HCN1: variants seen among roughly 807,000 people sequenced by gnomAD.
HCN1 encodes hyperpolarization activated cyclic nucleotide gated potassium channel 1, also known as potassium/sodium hyperpolarization-activated cyclic nucleotide-gated channel 1.
A neutral mutation model predicts 78.9 loss-of-function variants in HCN1; 13 were observed. That is an observed-to-expected ratio of 0.16 (90% CI 0.11 to 0.26). The LOEUF is 0.26. Among genes scored for constraint, HCN1 ranks in the 10% least tolerant of loss-of-function variants. The pLI is 1.00. For synonymous variants in HCN1, 552 were observed against 455.5 expected (o/e 1.21, Z -2.70); for missense variants, 810 against 1,154.3 (o/e 0.70, Z 4.32).
chr5:45,594,731 GAGA>G (rs1381427379), intron 2 of HCN1, among the ~76,000 whole-genome samples: 5 of 152,050 alleles, frequency 3.3e-5, no homozygotes, highest in Non-Finnish European at 4.4e-5. Flanking sequence ...ATTGCATAAG[GAGA>G]TGTCTCCTTA....
At chr5:45,423,650 T>C (rs147743580) in intron 3 of HCN1, among the ~76,000 whole-genome samples, 41 of 152,308 alleles carry the variant, frequency 2.7e-4, no homozygotes, top group Non-Finnish European at 5.1e-4. Flanking sequence ...GCTATACAAA[T>C]TCTCATTTGT....
chr5:45,566,949 T>C (rs1279501559), intron 2 of HCN1, among the ~76,000 whole-genome samples: 1 of 152,190 alleles, frequency 6.6e-6, no homozygotes, highest in African/African-American at 2.4e-5. Flanking sequence ...TTACTTTCTC[T>C]CTGATACAGG....
At chr5:45,547,128 T>G (rs1266642525) in intron 2 of HCN1, among the ~76,000 whole-genome samples, 1 of 151,976 alleles carries the variant, frequency 6.6e-6, no homozygotes, top group African/African-American at 2.4e-5. Context: ...AGGTTCTTTA[T>G]TGCCAACTGA....
rs754428907 is a variant in HCN1, at chr5:45,262,524, T to C, written c.2070A>G (p.Pro690=). The C allele has an allele frequency of 2.5e-6, 4 of 1,612,344 alleles. No homozygotes were observed. In the South Asian group the frequency reaches 3.3e-5, roughly 13 times the overall value. ...AGGAGCAGGGTGACAGGATGGCTGATGGCTGGGGGGTCTGTGTGCTGGGAC... is the reference window on the plus strand; with the variant it reads ...AGGAGCAGGGTGACAGGATGGCTGACGGCTGGGGGGTCTGTGTGCTGGGAC... ...SPSPSTQTPQ[P]SAILSPCSYT... Residue 690 remains proline, a synonymous_variant, in exon 8 of 8, where the codon CCA becomes CCG. Transcript: ENST00000303230.
At chr5:45,441,770 A>G (rs1405371895) in intron 3 of HCN1, among the ~76,000 whole-genome samples, 2 of 152,190 alleles carry the variant, frequency 1.3e-5, no homozygotes, top group Admixed American at 1.3e-4. Context: ...CTATGGATGC[A>G]GTAAAGCTCT....
chr5:45,470,794 G>A lies in HCN1; in HGVS notation c.850-8787C>T, dbSNP rs192734582. Among the ~76,000 whole-genome samples, 15 of 152,046 alleles carry A rather than the reference G, an allele frequency of 9.9e-5. No individual in the cohort carries two copies. In the East Asian group the frequency reaches 2.7e-3, roughly 27 times the overall value. ...AGGCACTGGGTTCACCACGGCTTAT[G>A]ACAACATCTTCCACATCCTCACTAA... On this transcript the variant is annotated intron_variant, in intron 2 of 7. Transcript: ENST00000303230.
intron 5 of HCN1, among the ~76,000 whole-genome samples, chr5:45,352,557 C>A (rs778906877): frequency 7.3e-5 from 11 of 151,554 alleles, no homozygotes; most frequent in Non-Finnish European, 1.0e-4. Context: ...ATATGAATAA[C>A]CAAGAGCAAG....
intron 2 of HCN1, among the ~76,000 whole-genome samples, chr5:45,607,041 G>A (rs915558920): frequency 6.6e-6 from 1 of 151,714 alleles, no homozygotes; most frequent in African/African-American, 2.4e-5. Flanking sequence ...ATGATTAGGA[G>A]TAGGTATTAA....
chr5:45,527,523 T>A (rs1742759450), intron 2 of HCN1, among the ~76,000 whole-genome samples: 1 of 151,744 alleles, frequency 6.6e-6, no homozygotes, highest in African/African-American at 2.4e-5. Context: ...TCTCTGCCCA[T>A]CATTCTCATT....
At chr5:45,627,676 AT>A (rs1745195350) in intron 2 of HCN1, among the ~76,000 whole-genome samples, 1 of 152,208 alleles carries the variant, frequency 6.6e-6, no homozygotes, top group African/African-American at 2.4e-5. Context: ...TTCCTTCTTT[AT>A]AAAATAAAAT....
At chr5:45,504,697 C>CTAG (rs1289751048) in intron 2 of HCN1, among the ~76,000 whole-genome samples, 3 of 152,166 alleles carry the variant, frequency 2.0e-5, no homozygotes, top group Non-Finnish European at 4.4e-5. Context: ...AATGGTTGAA[C>CTAG]TAGTTTACAG....
intron 2 of HCN1, chr5:45,641,748 G>A (rs1455297813): frequency 2.0e-5 from 3 of 152,048 alleles, no homozygotes; most frequent in African/African-American, 7.2e-5. Flanking sequence ...AATTTCGAAG[G>A]TCATCTCCTG....
intron 2 of HCN1, among the ~76,000 whole-genome samples, chr5:45,475,708 CATT>C (rs1442905033): frequency 2.4e-4 from 36 of 152,058 alleles, no homozygotes; most frequent in Non-Finnish European, 4.6e-4. Context: ...CTGGCCTCCA[CATT>C]ATTATTTTTT....
At chr5:45,411,115 A>C (rs1740012512) in intron 3 of HCN1, among the ~76,000 whole-genome samples, 1 of 152,046 alleles carries the variant, frequency 6.6e-6, no homozygotes, top group South Asian at 2.1e-4. Context: ...TAAATTCTCC[A>C]CTCACATTAC....
chr5:45,361,140 G>T (rs984528797), intron 4 of HCN1, among the ~76,000 whole-genome samples: 2 of 152,166 alleles, frequency 1.3e-5, no homozygotes, highest in Non-Finnish European at 2.9e-5. Context: ...TGCCTCCAGG[G>T]TTCTAGCGAT....
chr5:45,482,015 T>G (rs953737202), intron 2 of HCN1, among the ~76,000 whole-genome samples: 1 of 152,302 alleles, frequency 6.6e-6, no homozygotes, highest in Admixed American at 6.5e-5. Context: ...ATGTGATAGG[T>G]GTTCAGTAAA....
At chr5:45,525,041 T>G (rs1742705049) in intron 2 of HCN1, among the ~76,000 whole-genome samples, 1 of 152,154 alleles carries the variant, frequency 6.6e-6, no homozygotes, top group African/African-American at 2.4e-5. Flanking sequence ...CATCAATACC[T>G]AATTTATTGA....
chr5:45,413,383 T>A (rs997843831), intron 3 of HCN1, among the ~76,000 whole-genome samples: 7 of 152,122 alleles, frequency 4.6e-5, no homozygotes, highest in Non-Finnish European at 1.0e-4. Context: ...AATGTATTGA[T>A]ATTCTTTGTA....
At chr5:45,655,786 C>A in intron 1 of HCN1, among the ~76,000 whole-genome samples, 1 of 152,092 alleles carries the variant, frequency 6.6e-6, no homozygotes, top group Non-Finnish European at 1.5e-5. Flanking sequence ...GCTATGAGAT[C>A]ACCTATTTCA....
Sources: gnomAD v4.1 joint callset for allele counts (sites outside exome capture counted in the v4.1 genomes callset) on GRCh38, gnomAD v4.1.1 for gene constraint, MANE v1.5 for transcripts, NCBI Gene and HGNC (gene_info 2026-07-23, HGNC 2026-07-21) for gene names.